Variants in SLC5A12 observed in about 807,000 individuals in gnomAD.
SLC5A12 encodes sodium-coupled monocarboxylate transporter 2.
A neutral mutation model predicts 72.7 loss-of-function variants in SLC5A12; 46 were observed. That is an observed-to-expected ratio of 0.63 (90% CI 0.50 to 0.81). The LOEUF is 0.81. Among genes scored for constraint, SLC5A12 ranks in the 30% least tolerant of loss-of-function variants. SLC5A12 has a pLI of 0.00. For missense variants in SLC5A12, 683 were observed against 740.7 expected (o/e 0.92, Z 0.90); for synonymous variants, 275 against 264.4 (o/e 1.04, Z -0.39).
chr11:26,703,829 T>G lies in SLC5A12; in HGVS notation c.644A>C (p.Glu215Ala), dbSNP rs759165108. 3 of 1,613,936 alleles carry G rather than the reference T, an allele frequency of 1.9e-6. No homozygotes were observed. In the South Asian group the frequency reaches 3.3e-5, roughly 18 times the overall value. ...TAGTCGAGATCCATTTGTTGATTGC[T>G]CTAATACATTGTGGAATCCCCCAGC... ...THAGGFHNVL[E>A]QSTNGSRLHI... The change falls in exon 5 of 15, where the codon GAG (glutamate) becomes GCG (alanine). Residue 215 changes from glutamate (E) to alanine (A), a missense_variant. Physicochemically the swap from Glu to Ala is moderately radical, Grantham distance 107 (BLOSUM62 -1). Transcript: ENST00000396005.
chr11:26,681,578 C>T (rs1854412468), intron 11 of SLC5A12, among the ~76,000 whole-genome samples: 1 of 152,148 alleles, frequency 6.6e-6, no homozygotes, highest in Non-Finnish European at 1.5e-5. Context: ...ACTTCAAATA[C>T]TAGGTCATTT....
chr11:26,693,853 T>A (rs1854744120), intron 8 of SLC5A12, among the ~76,000 whole-genome samples: 2 of 152,298 alleles, frequency 1.3e-5, no homozygotes, highest in Middle Eastern at 6.8e-3. Flanking sequence ...GGGGGTACTA[T>A]TCTTATTTTT....
intron 10 of SLC5A12, among the ~76,000 whole-genome samples, 185 bp from the exon 11 acceptor site, chr11:26,684,028 ATGTGTGTG>A (rs145705590): frequency 6.8e-6 from 1 of 147,966 alleles, no homozygotes; most frequent in Admixed American, 6.7e-5. Context: ...GTATTTATGT[ATGTGTGTG>A]TGTGTGTGTG....
At chr11:26,682,117 T>C (rs1854422914) in intron 11 of SLC5A12, among the ~76,000 whole-genome samples, 1 of 152,014 alleles carries the variant, frequency 6.6e-6, no homozygotes, top group East Asian at 1.9e-4. Context: ...AGTTCTCTTA[T>C]GGCATGTAAG....
intron 9 of SLC5A12, 167 bp downstream of exon 9, chr11:26,692,322 A>G: frequency 3.3e-6 from 2 of 597,562 alleles, no homozygotes; most frequent in South Asian, 2.0e-5. Context: ...CTTTCCTGAT[A>G]CCCTGCTGGA....
chr11:26,692,875 G>T (rs1005921840), intron 8 of SLC5A12, among the ~76,000 whole-genome samples: 4 of 152,144 alleles, frequency 2.6e-5, no homozygotes. Flanking sequence ...TTAACAAGAG[G>T]TTAAATGAAC....
chr11:26,686,128 T>C (rs2133155949), intron 10 of SLC5A12, among the ~76,000 whole-genome samples: 1 of 152,310 alleles, frequency 6.6e-6, no homozygotes, highest in South Asian at 2.1e-4. Flanking sequence ...TATTATTGGT[T>C]TTACTATTTT....
chr11:26,696,233 C>T (rs946027547), intron 8 of SLC5A12, among the ~76,000 whole-genome samples: 1 of 152,156 alleles, frequency 6.6e-6, no homozygotes, highest in African/African-American at 2.4e-5. Context: ...TTATATCAGT[C>T]TTGTTCTCTG....
chr11:26,681,293 GTTCT>G, intron 11 of SLC5A12, 72 bp from the exon 12 acceptor site: 2 of 913,746 alleles, frequency 2.2e-6, no homozygotes, highest in Non-Finnish European at 3.2e-6. Context: ...GAGATGAGGA[GTTCT>G]ATGCCTTAGA....
In SLC5A12 at chr11:26,692,487, A is replaced by T; in HGVS notation, c.1153+2T>A. On this transcript the variant is annotated splice_donor_variant, in intron 9 of 14. Coordinates refer to ENST00000396005, the MANE Select transcript of SLC5A12 (RefSeq NM_178498.4). LOFTEE classifies it high-confidence loss of function. ...AATAGAAAGTCCACCAGCTGTACCT[A>T]CATAAGCCTTTACTGATCCAGGTGC... 1 of 1,595,742 alleles carries T rather than the reference A, an allele frequency of 6.3e-7. No homozygotes were observed. Among genetic ancestry groups the T allele is most frequent in the Middle Eastern group, 1.7e-4 (1 of 6,022 alleles).
chr11:26,691,194 A>T (rs982059014), intron 9 of SLC5A12, among the ~76,000 whole-genome samples: 21 of 152,146 alleles, frequency 1.4e-4, no homozygotes, highest in Non-Finnish European at 3.1e-4. Context: ...AAAATGCTGT[A>T]TATATCAAAA....
intron 14 of SLC5A12, among the ~76,000 whole-genome samples, chr11:26,672,371 C>T (rs1178338391): frequency 1.3e-5 from 2 of 151,992 alleles, no homozygotes; most frequent in Admixed American, 6.6e-5. Context: ...TAAGTTTAAA[C>T]TAAAAAGAAA....
intron 4 of SLC5A12, among the ~76,000 whole-genome samples, chr11:26,705,498 A>G (rs1248838965): frequency 6.6e-6 from 1 of 152,162 alleles, no homozygotes; most frequent in Non-Finnish European, 1.5e-5. Flanking sequence ...TCATCTTGAG[A>G]TGAAAGAAGA....
intron 10 of SLC5A12, 123 bp from the exon 11 acceptor site, chr11:26,683,966 T>C: frequency 1.5e-6 from 1 of 673,224 alleles, no homozygotes; most frequent in South Asian, 1.7e-5. Context: ...CATTTGTTAA[T>C]TATGTGCTTT....
In SLC5A12 at chr11:26,669,199, C is replaced by CTT. The variant is rs749639809; in HGVS notation, c.*1901_*1902dup. 7.5e-6 allele frequency: 1 copy of CTT among 133,350 alleles called. No homozygotes were observed. The highest frequency in any genetic ancestry group is 2.2e-4 in the East Asian group (1 of 4,606). The allele number at this position is 133,350 out of a possible 1,614,324, so 8.3% of individuals were successfully genotyped here. The stretch of plus-strand genomic sequence containing the variant: ...TCTTTCTTTCTTCTTTTCTTTCTTT[C>CTT]TTTCTTTCTTTCTTTCTTTCTCTCT... On this transcript the variant is annotated 3_prime_UTR_variant, in exon 15 of 15. Coordinates refer to ENST00000396005, the MANE Select transcript of SLC5A12 (RefSeq NM_178498.4).
At chr11:26,679,540 T>C (rs1414375223) in intron 12 of SLC5A12, among the ~76,000 whole-genome samples, 1 of 151,890 alleles carries the variant, frequency 6.6e-6, no homozygotes, top group Non-Finnish European at 1.5e-5. Context: ...TGAGTCAAAA[T>C]GAACTTTATG....
intron 9 of SLC5A12, among the ~76,000 whole-genome samples, chr11:26,689,075 G>A (rs1422587658): frequency 2.8e-5 from 4 of 143,286 alleles, no homozygotes; most frequent in Non-Finnish European, 4.5e-5. Context: ...ACTTTATGCC[G>A]TAAGAAGGAC....
intron 9 of SLC5A12, 121 bp from the exon 10 acceptor site, chr11:26,686,665 G>T (rs974557664): frequency 1.3e-6 from 1 of 783,384 alleles, no homozygotes. Flanking sequence ...TCTCAGCGAG[G>T]ACCATCCTCC....
rs969008390 is a variant in SLC5A12, at chr11:26,704,037, T to G, written c.526-90A>C. ...CCTCTCTGCTAATGCATGCATGCAT[T>G]CTTTTGTTTATTCAGCATCAGCCAC... is the stretch of plus-strand genomic sequence containing the variant. On this transcript the variant is annotated intron_variant, in intron 4 of 14. Coordinates refer to ENST00000396005, the MANE Select transcript of SLC5A12 (RefSeq NM_178498.4). 3 of 1,383,566 alleles carry G rather than the reference T, an allele frequency of 2.2e-6. No individual in the cohort carries two copies. The African/African-American group carries it at 4.3e-5, about 20-fold the overall frequency. The allele number at this position is 1,383,566 out of a possible 1,614,324, so 85.7% of individuals were successfully genotyped here.
Sources: allele counts gnomAD v4.1 joint callset (sites outside exome capture counted in the v4.1 genomes callset), GRCh38; gene constraint gnomAD v4.1.1; transcripts MANE v1.5; gene names NCBI Gene and HGNC (gene_info 2026-07-23, HGNC 2026-07-21).